The following SLC6A13 variants were observed in gnomAD, a reference collection of about 807,000 sequenced individuals.
SLC6A13 encodes solute carrier family 6 member 13.
A neutral mutation model predicts 72.9 loss-of-function variants in SLC6A13; 69 were observed. That is an observed-to-expected ratio of 0.95 (90% confidence interval 0.78 to 1.16). The LOEUF (loss-of-function observed/expected upper bound fraction) is 1.16, where lower values mean the gene tolerates loss of function less well. Among genes scored for constraint, SLC6A13 ranks in the 50% most tolerant of loss-of-function variants. The pLI, the probability that SLC6A13 is intolerant of heterozygous loss-of-function variation, is 0.00. For synonymous variants in SLC6A13, 303 were observed against 303.0 expected, an observed-to-expected ratio of 1.00 and a Z score of 0.00; for missense variants, 735 against 760.5, an observed-to-expected ratio of 0.97 and a Z score of 0.39.
At position 247,317 on chromosome 12, in the gene SLC6A13, G is replaced by A. The variant is rs531084735; in HGVS notation, c.203-3504C>T. 5.1e-4 allele frequency among the ~76,000 whole-genome samples: 78 copies of A among 151,744 alleles called. No individual in the cohort carries two copies. In the Middle Eastern group the frequency reaches 0.01, roughly 20 times the overall value. Reference sequence around the variant, plus strand: ...TTAAACCGGAATATGGAGCTTTTAAGAGAAAACCTTAAAAGTCACCAGAGA... The same window carrying A: ...TTAAACCGGAATATGGAGCTTTTAAAAGAAAACCTTAAAAGTCACCAGAGA... On this transcript the variant is annotated intron_variant, in intron 2 of 14. Coordinates refer to ENST00000343164, the MANE Select transcript of SLC6A13 (RefSeq NM_016615.5).
chr12:238,128 G>A, intron 4 of SLC6A13, 118 bp from the exon 5 acceptor site: 1 of 1,555,376 alleles, frequency 6.4e-7, no homozygotes, highest in Non-Finnish European at 8.7e-7. Flanking sequence ...GCAGGAGCCA[G>A]GCTAAGGTTA....
chr12:224,130 C>G lies in SLC6A13; in HGVS notation c.1174-1G>C. 6.2e-7 allele frequency: 1 copy of G among 1,614,192 alleles called. No homozygotes were observed. Among genetic ancestry groups the G allele is most frequent in the Non-Finnish European group, 8.5e-7 (1 of 1,180,030 alleles). On this transcript the variant is annotated splice_acceptor_variant, in intron 10 of 14. Coordinates refer to ENST00000343164, the MANE Select transcript of SLC6A13 (RefSeq NM_016615.5). LOFTEE classifies it high-confidence loss of function. ...TCACCAGGCTTTCTACACACACAAA[C>G]TGGATGACAGGGCAAAGGGATTGGA...
At chr12:251,733 G>A (rs1208063805) in intron 2 of SLC6A13, among the ~76,000 whole-genome samples, 5 of 152,040 alleles carry the variant, frequency 3.3e-5, no homozygotes, top group African/African-American at 1.2e-4. Flanking sequence ...CTGGAGGATC[G>A]CTTGAGCCCA....
chr12:222,775 GA>G, intron 12 of SLC6A13, 143 bp from the exon 13 acceptor site: 1 of 600,248 alleles, frequency 1.7e-6, no homozygotes. Flanking sequence ...TCGTTGCTGG[GA>G]AAAAGCTCTT....
rs143607870 is a variant in SLC6A13 at position 229,507 on chromosome 12, C to T, written c.832-1839G>A. Among the ~76,000 whole-genome samples the T allele has an allele frequency of 1.4e-4, 22 of 152,344 alleles. No homozygotes were observed. The East Asian group carries it at 4.2e-3, about 29-fold the overall frequency. ...GCTTCACTGGCTAAGTTACTGGCAG[C>T]TTCAAGAGCAGGACCTTCTGGCAAA... On this transcript the variant is annotated intron_variant, in intron 7 of 14. Transcript: ENST00000343164.
intron 7 of SLC6A13, among the ~76,000 whole-genome samples, chr12:234,247 C>T (rs1019473617): frequency 1.3e-5 from 2 of 152,192 alleles, no homozygotes; most frequent in African/African-American, 4.8e-5. Context: ...AAAGACACTC[C>T]CACCAGCTCC....
chr12:260,173 A>T, intron 1 of SLC6A13, 116 bp from the exon 2 acceptor site: 2 of 1,122,208 alleles, frequency 1.8e-6, no homozygotes, highest in Non-Finnish European at 2.6e-6. Flanking sequence ...GTGAATTTCT[A>T]TTCCCTTCCC....
intron 2 of SLC6A13, among the ~76,000 whole-genome samples, chr12:248,573 A>C (rs1396731942): frequency 6.6e-6 from 1 of 152,210 alleles, no homozygotes. Flanking sequence ...GGGTCAATTA[A>C]TCAATCAGTA....
chr12:254,350 T>C lies in SLC6A13; in HGVS notation c.202+5501A>G, dbSNP rs1165239877. 6.6e-6 allele frequency among the ~76,000 whole-genome samples: 1 copy of C among 152,182 alleles called. No individual in the cohort carries two copies. The stretch of plus-strand genomic sequence containing the variant: ...ACATTTTGCCCCAATAACCCACATT[T>C]ACTATTTCCAATTCCTTTCTCCCAT... On this transcript the variant is annotated intron_variant, in intron 2 of 14. Transcript: ENST00000343164. The surrounding 1 kb of genome is among the most constrained non-coding windows in gnomAD (Gnocchi z 4.4).
intron 4 of SLC6A13, among the ~76,000 whole-genome samples, chr12:240,932 A>G (rs1310599449): frequency 6.6e-6 from 1 of 152,222 alleles, no homozygotes; most frequent in Non-Finnish European, 1.5e-5. Context: ...GGGATGAAGA[A>G]TATCATCCTA....
Position 224,398 on chromosome 12 carries a change from T to C in SLC6A13, c.1173+3A>G. Reference sequence around the variant, plus strand: ...CAGCCTCTGAGTGGCTGCCTCTTGATACCTGGCTATCCAGTCCCAGGAGAA... The same window carrying C: ...CAGCCTCTGAGTGGCTGCCTCTTGACACCTGGCTATCCAGTCCCAGGAGAA... On this transcript the variant is annotated splice_donor_region_variant and intron_variant, in intron 10 of 14. Coordinates refer to ENST00000343164, the MANE Select transcript of SLC6A13 (RefSeq NM_016615.5). 1.2e-6 allele frequency: 2 copies of C among 1,611,008 alleles called. No homozygotes were observed. The highest frequency in any genetic ancestry group is 1.7e-6 in the Non-Finnish European group (2 of 1,177,124).
At chr12:237,100 AGC>A (rs970282530) in intron 6 of SLC6A13, 56 bp downstream of exon 6, 4 of 1,582,892 alleles carry the variant, frequency 2.5e-6, no homozygotes, top group Non-Finnish European at 3.5e-6. Flanking sequence ...CCTGGGTGAC[AGC>A]CCCCAGTGAG....
rs1267060831 is a variant in SLC6A13, at chr12:243,601, C to T, written c.337+78G>A. On this transcript the variant is annotated intron_variant, in intron 3 of 14. Transcript: ENST00000343164. ...TCTTATCTTAACCTCAGAACTGCTACTAATCACTCAAGTCATTCCAAACAA... is the reference window on the plus strand; with the variant it reads ...TCTTATCTTAACCTCAGAACTGCTATTAATCACTCAAGTCATTCCAAACAA... 3 of 1,426,228 alleles carry T rather than the reference C, an allele frequency of 2.1e-6. 1 individual carries two copies. The highest frequency in any genetic ancestry group is 2.9e-6 in the Non-Finnish European group (3 of 1,037,390). The allele number at this position is 1,426,228 out of a possible 1,614,324, so 88.3% of individuals were successfully genotyped here.
At chr12:261,578 C>T (rs554035188) in intron 1 of SLC6A13, among the ~76,000 whole-genome samples, 9 of 152,346 alleles carry the variant, frequency 5.9e-5, no homozygotes, top group African/African-American at 2.2e-4. Flanking sequence ...ACTTTCTCAG[C>T]AGTAACCTCT....
Position 221,460 on chromosome 12 carries a change from G to T in SLC6A13, c.1602C>A (p.Gly534=). 6.2e-7 allele frequency: 1 copy of T among 1,613,932 alleles called. No homozygotes were observed. The highest frequency in any genetic ancestry group is 1.7e-5 in the Admixed American group (1 of 59,996). ...CCATGGAGGACAGAGCCAGGAGCCA[G>T]CCCAGGGCATCGCCCCACCACGGGT... ...YTYPWWGDAL[G]WLLALSSMVC... Residue 534 remains glycine (G), a synonymous_variant, in exon 14 of 15, where the codon GGC becomes GGA. Coordinates refer to ENST00000343164, the MANE Select transcript of SLC6A13 (RefSeq NM_016615.5).
chr12:231,237 G>A (rs1379718460), intron 7 of SLC6A13, among the ~76,000 whole-genome samples: 1 of 152,228 alleles, frequency 6.6e-6, no homozygotes, highest in African/African-American at 2.4e-5. Flanking sequence ...GGGAAAGGCA[G>A]CAACCTGCCC....
chr12:226,696 G>T, intron 8 of SLC6A13, 182 bp from the exon 9 acceptor site: 1 of 625,096 alleles, frequency 1.6e-6, no homozygotes. Context: ...GCTCTCCTCC[G>T]ACACTCCTCG....
intron 1 of SLC6A13, among the ~76,000 whole-genome samples, chr12:261,069 A>T (rs1352406318): frequency 1.3e-5 from 2 of 152,124 alleles, no homozygotes; most frequent in African/African-American, 4.8e-5. Context: ...TTTTTTGGTG[A>T]TGACAAATTA....
chr12:233,352 A>G (rs1231234032), intron 7 of SLC6A13, among the ~76,000 whole-genome samples: 1 of 152,238 alleles, frequency 6.6e-6, no homozygotes, highest in Non-Finnish European at 1.5e-5. Context: ...TGTCAGAGGC[A>G]GGGCCTGCCC....
Sources: gnomAD v4.1 joint callset for allele counts (sites outside exome capture counted in the v4.1 genomes callset) on GRCh38, gnomAD v4.1.1 for gene constraint, Gnocchi (gnomAD v3.1) non-coding constraint, MANE v1.5 for transcripts, NCBI Gene and HGNC (gene_info 2026-07-23, HGNC 2026-07-21) for gene names.